Variants in ZNF44 observed in about 807,000 individuals in gnomAD.
ZNF44 encodes the protein gonadotropin inducible transcription repressor-2.
A neutral mutation model predicts 11.7 loss-of-function variants in ZNF44; 9 were observed. That is an observed-to-expected ratio of 0.77 (90% CI 0.46 to 1.35). ZNF44 has a LOEUF of 1.35. Ranked by LOEUF, ZNF44 falls within the 40% of genes most tolerant of loss-of-function variation. ZNF44 has a pLI of 0.00. For missense variants in ZNF44, 696 were observed against 743.1 expected (o/e 0.94, Z 0.74); for synonymous variants, 224 against 242.7 (o/e 0.92, Z 0.72).
chr19:12,235,888 G>A (rs1324846672), intron 1 of ZNF44, among the ~76,000 whole-genome samples: 2 of 152,070 alleles, frequency 1.3e-5, no homozygotes, highest in East Asian at 3.9e-4. Context: ...TTTCCAAAAG[G>A]GAACCTCAAT....
Position 12,272,750 on chromosome 19 carries a change from T to G in ZNF44, c.1505A>C (p.Lys502Thr). The G allele has an allele frequency of 6.2e-7, 1 of 1,613,420 alleles. No individual in the cohort carries two copies. The highest frequency in any genetic ancestry group is 8.5e-7 in the Non-Finnish European group (1 of 1,179,548). The change falls in exon 4 of 4, where the codon AAA becomes ACA. Residue 502 changes from lysine (K) to threonine (T), a missense_variant. Physicochemically the swap from Lys to Thr is moderately conservative, Grantham distance 78. Coordinates refer to ENST00000355684, the MANE Select transcript of ZNF44 (RefSeq NM_016264.4). ...CRHERTHSEE[K>T]SYECQICGKA... ...GCCACAAATTTGACACTCATAAGAT[T>G]TTTCTTCACTGTGAGTCCTTTCATG... is the stretch of plus-strand genomic sequence containing the variant.
chr19:12,273,359 T>C lies in ZNF44; in HGVS notation c.896A>G (p.His299Arg), dbSNP rs748268504. The C allele has an allele frequency of 4.3e-6, 7 of 1,613,964 alleles. No homozygotes were observed. The highest frequency in any genetic ancestry group is 5.9e-6 in the Non-Finnish European group (7 of 1,179,942). Residue 299 changes from histidine to arginine, a missense_variant, in exon 4 of 4, where the codon CAT (histidine) becomes CGT (arginine). Physicochemically the swap from His to Arg is conservative, Grantham distance 29 (BLOSUM62 0). Coordinates refer to ENST00000355684, the MANE Select transcript of ZNF44 (RefSeq NM_016264.4). ...TTTCTCTCCAGTGTGAATTCTTTCA[T>C]GTACTCGAAGGGAACCGGAAACACT... is the stretch of plus-strand genomic sequence containing the variant. ...AFSVSGSLRV[H>R]ERIHTGEKPY... is the part of the protein sequence containing the mutation.
upstream of ZNF44, among the ~76,000 whole-genome samples, chr19:12,240,668 T>TTGAC (rs1916584869): frequency 6.6e-6 from 1 of 152,186 alleles, no homozygotes; most frequent in Non-Finnish European, 1.5e-5. Flanking sequence ...AAATGATTTT[T>TTGAC]TGACAACAGT....
chr19:12,271,171 G>A (rs1220220923), downstream of ZNF44, among the ~76,000 whole-genome samples: 3 of 152,132 alleles, frequency 2.0e-5, no homozygotes, highest in Non-Finnish European at 4.4e-5. Context: ...TCTGCAAGTT[G>A]CAAGTGTTAA....
chr19:12,225,211 G>C (rs758411418), downstream of ZNF44: 3 of 152,386 alleles, frequency 2.0e-5, no homozygotes, highest in Admixed American at 2.0e-4. Context: ...GGTAGGAGCA[G>C]TGCCGTCTGT....
intron 5 of ZNF44, among the ~76,000 whole-genome samples, chr19:12,252,340 T>C (rs2145693261): frequency 6.6e-6 from 1 of 152,306 alleles, no homozygotes; most frequent in East Asian, 1.9e-4. Flanking sequence ...AAAATTATCC[T>C]TCAAATGAGT....
At chr19:12,284,449 G>A (rs1055622488) in intron 1 of ZNF44, 17 of 638,268 alleles carry the variant, frequency 2.7e-5, no homozygotes, top group East Asian at 2.4e-4. Context: ...GGCCGGGGCC[G>A]CGGAGCTCTG....
At chr19:12,233,550 C>CCAAAAAAAAAAAAA (rs777267600) in intron 2 of ZNF44, among the ~76,000 whole-genome samples, 1 of 80,854 alleles carries the variant, frequency 1.2e-5, no homozygotes, top group African/African-American at 4.1e-5. Flanking sequence ...ACCCATACAT[C>CCAAAAAAAAAAAAA]AAAAAAAAAA....
At position 12,247,780 on chromosome 19, in the gene ZNF44, G is replaced by A. The variant is rs759083788; in HGVS notation, c.*1085C>T. ...TTTCCACATTTTTTACACTCAAAGG[G>A]TTTATCTCCAGTGTGAGTACTTTCA... On this transcript the variant is annotated 3_prime_UTR_variant and NMD_transcript_variant, in exon 8 of 8. Coordinates refer to the ZNF44 transcript ENST00000393337. 22 of 1,305,216 alleles carry A rather than the reference G, an allele frequency of 1.7e-5. No individual in the cohort carries two copies. The Admixed American group carries it at 4.7e-4, about 28-fold the overall frequency. 80.9% of individuals were successfully genotyped at this position (1,305,216 alleles called of 1,614,324 possible).
intron 5 of ZNF44, chr19:12,250,456 A>T (rs1202306655): frequency 9.0e-7 from 1 of 1,112,194 alleles, no homozygotes; most frequent in African/African-American, 1.6e-5. Flanking sequence ...GTTCACGATG[A>T]TTCTGTGATC....
chr19:12,267,616 A>G (rs759372964), downstream of ZNF44, among the ~76,000 whole-genome samples: 1 of 152,128 alleles, frequency 6.6e-6, no homozygotes, highest in African/African-American at 2.4e-5. Flanking sequence ...GATGAGGCAG[A>G]GAAACCTAAG....
intron 2 of ZNF44, 146 bp from the exon 3 acceptor site, chr19:12,275,179 T>A: frequency 2.0e-6 from 1 of 499,838 alleles, no homozygotes; most frequent in Non-Finnish European, 3.4e-6. Flanking sequence ...ACTGCACAAG[T>A]CCATTTATAT....
At chr19:12,249,175 C>CCGCG (rs1916885572) in intron 7 of ZNF44, among the ~76,000 whole-genome samples, 1 of 151,756 alleles carries the variant, frequency 6.6e-6, no homozygotes, top group African/African-American at 2.4e-5. Context: ...GCGGGAGCCA[C>CCGCG]CGCGCCTGGA....
chr19:12,257,661 C>T (rs139014648), intron 5 of ZNF44, among the ~76,000 whole-genome samples: 252 of 115,312 alleles, frequency 2.2e-3, no homozygotes, highest in African/African-American at 7.7e-3. Flanking sequence ...ATTAACCGGG[C>T]GTGGTGGCAG....
At chr19:12,290,172 G>C (rs543430019) in intron 1 of ZNF44, among the ~76,000 whole-genome samples, 21 of 149,590 alleles carry the variant, frequency 1.4e-4, no homozygotes, top group African/African-American at 4.9e-4. Flanking sequence ...GATCACCTGA[G>C]GTCGGGAGTT....
intron 1 of ZNF44, 138 bp downstream of exon 1, chr19:12,294,554 G>C (rs1568462911): frequency 8.1e-7 from 1 of 1,235,176 alleles, no homozygotes; most frequent in Admixed American, 2.5e-5. Flanking sequence ...ACGGACCGAG[G>C]ACCGAGGTGC....
At chr19:12,255,132 A>ACACACACACCCC (rs373440877) in intron 5 of ZNF44, among the ~76,000 whole-genome samples, 6 of 145,200 alleles carry the variant, frequency 4.1e-5, no homozygotes, top group African/African-American at 1.6e-4. Context: ...ACACACACAC[A>ACACACACACCCC]CCCCTTTGTG....
rs528282293 is a variant in ZNF44, at chr19:12,254,628, G to C, written c.1913-4260C>G. ...CATGCACCTGTAATCTCAGCTACTT[G>C]GGAGGCTGAGGCGGGGGAATTGCTT... On this transcript the variant is annotated intron_variant and NMD_transcript_variant, in intron 5 of 7. Coordinates refer to the ZNF44 transcript ENST00000393337. Among the ~76,000 whole-genome samples the C allele has an allele frequency of 2.0e-5, 3 of 152,296 alleles. No homozygotes were observed. In the East Asian group the frequency reaches 5.8e-4, roughly 29 times the overall value.
intron 1 of ZNF44, among the ~76,000 whole-genome samples, chr19:12,280,918 C>A (rs1181952555): frequency 6.6e-6 from 1 of 152,022 alleles, no homozygotes; most frequent in Non-Finnish European, 1.5e-5. Context: ...AACATCTATG[C>A]CCATAAAACA....
Sources: allele counts gnomAD v4.1 joint callset (sites outside exome capture counted in the v4.1 genomes callset), GRCh38; gene constraint gnomAD v4.1.1; transcripts MANE v1.5; gene names NCBI Gene and HGNC (gene_info 2026-07-23, HGNC 2026-07-21).